Variants in NFIB observed in about 807,000 individuals in gnomAD.
The protein encoded by NFIB is nuclear factor 1 B-type.
Under a neutral mutation model 61.5 loss-of-function variants are expected in NFIB, and 11 were observed. The observed-to-expected ratio is 0.18, with a 90% CI of 0.11 to 0.30. The LOEUF (loss-of-function observed/expected upper bound fraction) is 0.30, where lower values mean the gene tolerates loss of function less well. NFIB is among the 10% of genes least tolerant of loss of function. NFIB has a pLI of 1.00. For missense variants in NFIB, 471 were observed against 608.9 expected, an observed-to-expected ratio of 0.77 and a Z score of 2.38; for synonymous variants, 260 against 216.5, an observed-to-expected ratio of 1.20 and a Z score of -1.76.
chr9:14,240,511 C>T (rs1252933284), intron 2 of NFIB, among the ~76,000 whole-genome samples: 1 of 152,168 alleles, frequency 6.6e-6, no homozygotes, highest in Admixed American at 6.5e-5. Context: ...AGAAGCAACA[C>T]AAGACTGCTT....
At chr9:14,257,939 T>A (rs1307772207) in intron 2 of NFIB, among the ~76,000 whole-genome samples, 2 of 152,170 alleles carry the variant, frequency 1.3e-5, no homozygotes, top group Non-Finnish European at 1.5e-5. Context: ...CATATCAGTA[T>A]CTCAGTATCT....
intron 1 of NFIB, among the ~76,000 whole-genome samples, chr9:14,367,558 T>C (rs1012312997): frequency 5.3e-5 from 8 of 152,042 alleles, no homozygotes; most frequent in African/African-American, 1.9e-4. Context: ...TTTTCGTTGA[T>C]AGGGAAATGC....
chr9:14,132,234 T>C (rs991717065), intron 6 of NFIB, among the ~76,000 whole-genome samples: 2 of 152,310 alleles, frequency 1.3e-5, no homozygotes, highest in East Asian at 1.9e-4. Context: ...TATTTCTATC[T>C]GGTTAACAAA....
At chr9:14,530,113 T>C in the NFIB span, among the ~76,000 whole-genome samples, 1 of 152,220 alleles carries the variant, frequency 6.6e-6, no homozygotes, top group Non-Finnish European at 1.5e-5. Flanking sequence ...TTTCATTTAG[T>C]AAGAATATTG....
At chr9:14,208,861 T>A (rs1004002074) in intron 2 of NFIB, among the ~76,000 whole-genome samples, 5 of 151,724 alleles carry the variant, frequency 3.3e-5, no homozygotes, top group East Asian at 3.8e-4. Flanking sequence ...TCACTCAGTC[T>A]TTTTTTTAAG....
At chr9:14,189,265 T>C (rs141003607) in intron 2 of NFIB, among the ~76,000 whole-genome samples, 5 of 152,322 alleles carry the variant, frequency 3.3e-5, no homozygotes, top group Non-Finnish European at 5.9e-5. Flanking sequence ...TAATATTTCA[T>C]TGGCAATCTT....
chr9:14,142,559 T>C (rs778139683), intron 6 of NFIB, among the ~76,000 whole-genome samples: 4 of 152,094 alleles, frequency 2.6e-5, no homozygotes, highest in Non-Finnish European at 2.9e-5. Context: ...TTTCCTCTTA[T>C]ATCAAAAGTT....
At chr9:14,100,120 C>G (rs1400947176) in intron 10 of NFIB, among the ~76,000 whole-genome samples, 1 of 152,170 alleles carries the variant, frequency 6.6e-6, no homozygotes, top group East Asian at 1.9e-4. Flanking sequence ...TTTTAAAGAG[C>G]TTTTAGGATC....
rs148745965 is a variant in NFIB at position 14,204,879 on chromosome 9, A to T, written c.563-25099T>A. ...TTCATACAGGTTAACTCAGAAGACA[A>T]AGGGGCTTTGGTTAAGCTGGTGGTA... is the stretch of plus-strand genomic sequence containing the variant. On this transcript the variant is annotated intron_variant, in intron 2 of 10. Coordinates refer to ENST00000380953, the MANE Select transcript of NFIB (RefSeq NM_001190737.2). 4.3e-3 allele frequency: 1,620 copies of T among 377,920 alleles called. 32 individuals carry two copies. The highest frequency in any genetic ancestry group is 0.031 in the African/African-American group (1,472 of 47,848). The allele number at this position is 377,920 out of a possible 1,614,324, so 23.4% of individuals were successfully genotyped here.
chr9:14,105,630 T>A (rs957721267), intron 10 of NFIB, among the ~76,000 whole-genome samples: 2 of 152,142 alleles, frequency 1.3e-5, no homozygotes, highest in Non-Finnish European at 2.9e-5. Context: ...GGGGATGCAA[T>A]TAAATCATTA....
rs535846902 is a variant in NFIB, at chr9:14,127,567, T to C, written c.926-1801A>G. 1.2e-3 allele frequency among the ~76,000 whole-genome samples: 189 copies of C among 152,236 alleles called. 1 individual carries two copies. The Middle Eastern group carries it at 0.017, about 14-fold the overall frequency. On this transcript the variant is annotated intron_variant, in intron 6 of 10. Transcript: ENST00000380953. ...GTATCTCTAAAAGAAAATAAATCTT[T>C]ATTAAAAGAAAAAAACACCAAAACT...
chr9:14,445,319 C>G, the NFIB span, among the ~76,000 whole-genome samples: 1 of 151,906 alleles, frequency 6.6e-6, no homozygotes, highest in Non-Finnish European at 1.5e-5. Context: ...TGGCTAGAAT[C>G]TACAGTACAA....
chr9:14,299,182 T>A (rs1465391253), intron 2 of NFIB, among the ~76,000 whole-genome samples: 1 of 152,222 alleles, frequency 6.6e-6, no homozygotes, highest in Non-Finnish European at 1.5e-5. Context: ...TTTCCTAATA[T>A]CTGTGCTCAT....
intron 1 of NFIB, among the ~76,000 whole-genome samples, chr9:14,334,610 TTTCTC>T (rs1442721411): frequency 1.3e-5 from 2 of 152,216 alleles, no homozygotes; most frequent in African/African-American, 4.8e-5. Context: ...CTGTTGCAGA[TTTCTC>T]TTCCTACTTT....
chr9:14,204,373 A>T, intron 2 of NFIB: 1 of 1,001,786 alleles, frequency 1.0e-6, no homozygotes, highest in Non-Finnish European at 1.5e-6. Context: ...TTGGCATTAG[A>T]CAGGACATCC....
chr9:14,235,620 T>TA (rs993423325), intron 2 of NFIB, among the ~76,000 whole-genome samples: 86 of 152,294 alleles, frequency 5.6e-4, no homozygotes, highest in African/African-American at 2.0e-3. Context: ...TTCTTATTTT[T>TA]AAAAAAAGCA....
chr9:14,485,144 G>C, the NFIB span, among the ~76,000 whole-genome samples: 1 of 152,186 alleles, frequency 6.6e-6, no homozygotes. Context: ...CCCAGATACA[G>C]TCACACTGGG....
chr9:14,515,737 G>A, the NFIB span, among the ~76,000 whole-genome samples: 3 of 152,210 alleles, frequency 2.0e-5, no homozygotes, highest in South Asian at 6.2e-4. Context: ...CGAAAATGCA[G>A]AGGCTGACTC....
At chr9:14,210,273 G>T (rs2050176271) in intron 2 of NFIB, among the ~76,000 whole-genome samples, 2 of 145,444 alleles carry the variant, frequency 1.4e-5, no homozygotes, top group African/African-American at 2.7e-5. Flanking sequence ...TACGTGTAAA[G>T]TAGTAAATGT....
Sources: allele counts gnomAD v4.1 joint callset (sites outside exome capture counted in the v4.1 genomes callset), GRCh38; gene constraint gnomAD v4.1.1; transcripts MANE v1.5; gene names NCBI Gene and HGNC (gene_info 2026-07-23, HGNC 2026-07-21).